The following ZMYM4 variants were observed in gnomAD, a reference collection of about 807,000 sequenced individuals.
ZMYM4 encodes the protein zinc finger MYM-type protein 4.
In ZMYM4, 31 loss-of-function variants were observed where a neutral mutation model predicts 183.2. The ratio of observed to expected loss-of-function variants is 0.17; its 90% confidence interval spans 0.13 to 0.23. The LOEUF (loss-of-function observed/expected upper bound fraction) is 0.23. ZMYM4 is among the 10% of genes least tolerant of loss of function. The pLI is 1.00. For synonymous variants in ZMYM4, 592 were observed against 631.2 expected, an observed-to-expected ratio of 0.94 and a Z score of 0.93; for missense variants, 1,273 against 1,840.3, an observed-to-expected ratio of 0.69 and a Z score of 5.64.
chr1:35,416,815 C>T (rs566517231), intron 28 of ZMYM4, among the ~76,000 whole-genome samples: 1 of 152,252 alleles, frequency 6.6e-6, no homozygotes, highest in East Asian at 1.9e-4. Context: ...CCACCCGCCT[C>T]GGCCTCTCAA....
At chr1:35,346,650 C>CAAA (rs746472685) in intron 2 of ZMYM4, among the ~76,000 whole-genome samples, 14 of 54,130 alleles carry the variant, frequency 2.6e-4, no homozygotes, top group South Asian at 1.2e-3. Flanking sequence ...GACTCCATCT[C>CAAA]AAAAAAAAAA....
At chr1:35,337,538 G>A (rs1410585134) in intron 2 of ZMYM4, among the ~76,000 whole-genome samples, 5 of 152,130 alleles carry the variant, frequency 3.3e-5, no homozygotes, top group Admixed American at 3.3e-4. Context: ...TAGGTCTCTA[G>A]GGCAGAGGTT....
chr1:35,378,277 T>C (rs1042462683), intron 7 of ZMYM4, among the ~76,000 whole-genome samples: 4 of 152,220 alleles, frequency 2.6e-5, no homozygotes, highest in African/African-American at 9.6e-5. Flanking sequence ...AATGATGATA[T>C]TTGGATTTCC....
At chr1:35,364,444 T>G (rs1188138131) in intron 5 of ZMYM4, among the ~76,000 whole-genome samples, 1 of 152,190 alleles carries the variant, frequency 6.6e-6, no homozygotes, top group Non-Finnish European at 1.5e-5. Context: ...AGATATGTGA[T>G]TCTTTCCTTC....
chr1:35,381,213 GA>G (rs752205077), intron 7 of ZMYM4, 45 bp from the exon 8 acceptor site: 1 of 1,445,554 alleles, frequency 6.9e-7, no homozygotes, highest in East Asian at 2.3e-5. Flanking sequence ...AAAGGAAAAA[GA>G]AATGAATTAT....
At chr1:35,286,094 A>G (rs1280492250) in intron 1 of ZMYM4, among the ~76,000 whole-genome samples, 1 of 152,206 alleles carries the variant, frequency 6.6e-6, no homozygotes, top group African/African-American at 2.4e-5. Context: ...GACAGGAAGA[A>G]GTAAAACTAT....
rs1228813167 is a variant in ZMYM4, at chr1:35,393,744, G to A, written c.2911+5G>A. 2 of 1,592,000 alleles carry A rather than the reference G, an allele frequency of 1.3e-6. No individual in the cohort carries two copies. The highest frequency in any genetic ancestry group is 2.3e-5 in the East Asian group (1 of 44,308). On this transcript the variant is annotated splice_donor_5th_base_variant and intron_variant, in intron 18 of 29. Coordinates refer to ENST00000314607, the MANE Select transcript of ZMYM4 (RefSeq NM_005095.3). ...AAAACAAAGAATGCCAGACAGGTAT[G>A]TTCCTTGGTCTTTCTTTCTTTATTA...
rs1219443815 is a variant in ZMYM4, at chr1:35,392,552, A to G, written c.2729-95A>G. ...AATTAAAAAAACACATGTTCTTAGTATGAGGGTTTGTGTTTATGTACTGAT... is the reference window on the plus strand; with the variant it reads ...AATTAAAAAAACACATGTTCTTAGTGTGAGGGTTTGTGTTTATGTACTGAT... On this transcript the variant is annotated intron_variant, in intron 16 of 29. Coordinates refer to ENST00000314607, the MANE Select transcript of ZMYM4 (RefSeq NM_005095.3). 46 of 1,312,526 alleles carry G rather than the reference A, an allele frequency of 3.5e-5. No individual in the cohort carries two copies. Among genetic ancestry groups the G allele is most frequent in the Non-Finnish European group, 4.7e-5 (44 of 937,320 alleles). 81.3% of individuals were successfully genotyped at this position (1,312,526 alleles called of 1,614,324 possible). A position where few individuals can be genotyped will look rare whatever the true frequency, so the allele number is the denominator to read the frequency against.
At chr1:35,306,587 T>G (rs1641543490) in intron 1 of ZMYM4, among the ~76,000 whole-genome samples, 1 of 152,242 alleles carries the variant, frequency 6.6e-6, no homozygotes, top group South Asian at 2.1e-4. Context: ...ATCTTTTAAA[T>G]TCTTTAATCA....
chr1:35,403,553 T>C (rs911766402), intron 23 of ZMYM4, among the ~76,000 whole-genome samples: 2 of 152,198 alleles, frequency 1.3e-5, no homozygotes, highest in African/African-American at 4.8e-5. Context: ...CCCAAAGTGC[T>C]GGGATTACAG....
intron 15 of ZMYM4, 110 bp from the exon 16 acceptor site, chr1:35,392,102 C>A: frequency 7.0e-7 from 1 of 1,426,972 alleles, no homozygotes. Flanking sequence ...CTTTTTGCTC[C>A]AACAGAAATT....
chr1:35,403,434 C>A, intron 23 of ZMYM4, among the ~76,000 whole-genome samples: 1 of 151,960 alleles, frequency 6.6e-6, no homozygotes, highest in East Asian at 1.9e-4. Context: ...TACAGGTGCC[C>A]ACCACCATGC....
intron 29 of ZMYM4, 86 bp from the exon 30 acceptor site, chr1:35,419,384 C>T (rs1640244788): frequency 7.0e-7 from 1 of 1,422,916 alleles, no homozygotes; most frequent in Non-Finnish European, 9.5e-7. Context: ...GCAAAAACCT[C>T]AGTTTACTTA....
At chr1:35,327,053 G>C (rs1002551715) in intron 2 of ZMYM4, among the ~76,000 whole-genome samples, 1 of 152,096 alleles carries the variant, frequency 6.6e-6, no homozygotes, top group African/African-American at 2.4e-5. Flanking sequence ...TAGAGATGGG[G>C]TTTTACCATG....
At chr1:35,404,938 T>A (rs1644974879) in intron 23 of ZMYM4, 85 bp from the exon 24 acceptor site, 1 of 1,359,530 alleles carries the variant, frequency 7.4e-7, no homozygotes, top group African/African-American at 1.5e-5. Context: ...TCTACAAATG[T>A]ATACCCTTTC....
At chr1:35,396,502 G>A in intron 18 of ZMYM4, 50 bp from the exon 19 acceptor site, 1 of 1,599,708 alleles carries the variant, frequency 6.3e-7, no homozygotes, top group Non-Finnish European at 8.5e-7. Context: ...TCTTATGAAA[G>A]CATTTCTAAC....
chr1:35,303,461 A>G (rs1276822751), intron 1 of ZMYM4, among the ~76,000 whole-genome samples: 2 of 152,138 alleles, frequency 1.3e-5, no homozygotes, highest in Non-Finnish European at 2.9e-5. Context: ...GCTGGAGTAC[A>G]GTGGCACAAT....
intron 9 of ZMYM4, among the ~76,000 whole-genome samples, chr1:35,383,686 G>A (rs570466445): frequency 1.3e-5 from 2 of 152,208 alleles, no homozygotes; most frequent in South Asian, 2.1e-4. Context: ...CCACAAGAGA[G>A]GGAGAAATAG....
At chr1:35,317,109 C>T (rs1224537564) in intron 1 of ZMYM4, among the ~76,000 whole-genome samples, 7 of 131,732 alleles carry the variant, frequency 5.3e-5, no homozygotes, top group South Asian at 2.5e-4. Flanking sequence ...GGGACAAGAG[C>T]GAGACTTCAT....
Sources: gnomAD v4.1 joint callset for allele counts (sites outside exome capture counted in the v4.1 genomes callset) on GRCh38, gnomAD v4.1.1 for gene constraint, MANE v1.5 for transcripts, NCBI Gene and HGNC (gene_info 2026-07-23, HGNC 2026-07-21) for gene names.